CIMIP2C: variants seen among roughly 807,000 people sequenced by gnomAD.
The protein encoded by CIMIP2C is UPF0573 protein C2orf70.
At chr2:26,565,239 C>T in the CIMIP2C span, among the ~76,000 whole-genome samples, 2,475 of 152,156 alleles carry the variant, frequency 0.016, 68 homozygotes, top group African/African-American at 0.056. Flanking sequence ...TACAGGCACG[C>T]GCCACCACAG....
At chr2:26,577,382 T>A in the CIMIP2C span, 1 of 781,296 alleles carries the variant, frequency 1.3e-6, no homozygotes, top group Non-Finnish European at 2.1e-6. Context: ...CCCCAGCAAC[T>A]CCGGGACTCC....
chr2:26,577,698 G>A, the CIMIP2C span: 2 of 1,078,626 alleles, frequency 1.9e-6, no homozygotes, highest in Non-Finnish European at 2.8e-6. Flanking sequence ...TCTCGGCCAG[G>A]CATGCACAGC....
chr2:26,564,171 C>T, the CIMIP2C span, among the ~76,000 whole-genome samples: 1 of 152,162 alleles, frequency 6.6e-6, no homozygotes, highest in Non-Finnish European at 1.5e-5. Context: ...GTGCTGACAC[C>T]ACATTCTGGG....
At chr2:26,566,947 C>A in the CIMIP2C span, among the ~76,000 whole-genome samples, 1 of 152,244 alleles carries the variant, frequency 6.6e-6, no homozygotes, top group Non-Finnish European at 1.5e-5. Context: ...TGGGCTCAAG[C>A]CATTTGCCTG....
the CIMIP2C span, among the ~76,000 whole-genome samples, chr2:26,575,449 G>C: frequency 9.2e-5 from 14 of 152,228 alleles, no homozygotes; most frequent in Non-Finnish European, 1.8e-4. Context: ...GAGGGACAGT[G>C]ATTTGCCTAC....
the CIMIP2C span, among the ~76,000 whole-genome samples, chr2:26,574,105 G>A: frequency 6.6e-6 from 1 of 152,256 alleles, no homozygotes; most frequent in African/African-American, 2.4e-5. Flanking sequence ...CCCAGAAGAG[G>A]TGAGAGTAGG....
chr2:26,570,918 AGGACTTAG>A, the CIMIP2C span, among the ~76,000 whole-genome samples: 1 of 152,180 alleles, frequency 6.6e-6, no homozygotes, highest in Non-Finnish European at 1.5e-5. Context: ...GGGCCTAAGC[AGGACTTAG>A]GGAGAGGTCA....
chr2:26,575,730 C>T, the CIMIP2C span, among the ~76,000 whole-genome samples: 1 of 152,116 alleles, frequency 6.6e-6, no homozygotes, highest in Non-Finnish European at 1.5e-5. Flanking sequence ...ACTGTGTTGC[C>T]CAGGCTGGTC....
At chr2:26,577,395 C>T in the CIMIP2C span, 83 of 897,122 alleles carry the variant, frequency 9.3e-5, no homozygotes, top group African/African-American at 8.2e-4. Context: ...GGGACTCCTC[C>T]GGGGGCATTA....
At chr2:26,579,250 T>C in the CIMIP2C span, 5 of 1,600,250 alleles carry the variant, frequency 3.1e-6, no homozygotes, top group African/African-American at 5.4e-5. Flanking sequence ...ACCACCTTCC[T>C]TCCCTGGCAC....
At chr2:26,579,182 T>C in the CIMIP2C span, 1 of 1,296,508 alleles carries the variant, frequency 7.7e-7, no homozygotes, top group Non-Finnish European at 1.1e-6. Context: ...AACTGACGAG[T>C]AGCCGGCAGG....
chr2:26,576,184 T>A, the CIMIP2C span: 1 of 1,609,468 alleles, frequency 6.2e-7, no homozygotes, highest in South Asian at 1.1e-5. Flanking sequence ...AGGTAAGCTG[T>A]GTGGGGCTGC....
the CIMIP2C span, chr2:26,576,307 C>T: frequency 3.5e-6 from 4 of 1,146,296 alleles, no homozygotes; most frequent in Non-Finnish European, 1.2e-6. Context: ...TTCTCAGAGC[C>T]CCTGAGCCAG....
chr2:26,564,503 T>G, the CIMIP2C span, among the ~76,000 whole-genome samples: 1 of 152,218 alleles, frequency 6.6e-6, no homozygotes, highest in African/African-American at 2.4e-5. Context: ...CTGGGCTAGT[T>G]TGAGCAGCTG....
chr2:26,562,908 G>C, the CIMIP2C span: 3 of 563,418 alleles, frequency 5.3e-6, no homozygotes, highest in Admixed American at 3.3e-5. Context: ...ACAGGAAGGC[G>C]CTCCCTGGCA....
the CIMIP2C span, among the ~76,000 whole-genome samples, chr2:26,573,512 G>A: frequency 5.3e-5 from 8 of 152,350 alleles, no homozygotes; most frequent in South Asian, 1.7e-3. Context: ...ACCAGAGCAG[G>A]AGCTCCAGAC....
the CIMIP2C span, chr2:26,562,908 G>T: frequency 3.6e-6 from 2 of 563,300 alleles, no homozygotes; most frequent in East Asian, 3.2e-5. Context: ...ACAGGAAGGC[G>T]CTCCCTGGCA....
chr2:26,567,106 C>G, the CIMIP2C span, among the ~76,000 whole-genome samples: 3 of 152,148 alleles, frequency 2.0e-5, no homozygotes, highest in Non-Finnish European at 1.5e-5. Context: ...GAAGTTGATT[C>G]CTTTGAAGCC....
chr2:26,579,348 C>A, the CIMIP2C span: 5 of 1,614,012 alleles, frequency 3.1e-6, no homozygotes, highest in Non-Finnish European at 4.2e-6. Flanking sequence ...CCCCCGAGAA[C>A]CTGAAGACCT....
Sources: allele counts gnomAD v4.1 joint callset (sites outside exome capture counted in the v4.1 genomes callset), GRCh38; gene constraint gnomAD v4.1.1; transcripts MANE v1.5; gene names NCBI Gene and HGNC (gene_info 2026-07-23, HGNC 2026-07-21).